The following LRP1 variants were observed in gnomAD, a reference collection of about 807,000 sequenced individuals.
LRP1 encodes LDL receptor related protein 1.
Under a neutral mutation model 541.5 loss-of-function variants are expected in LRP1, and 51 were observed. That is an observed-to-expected ratio of 0.09 (90% confidence interval 0.08 to 0.12). The LOEUF is 0.12. LRP1 is among the 10% of genes least tolerant of loss of function. The pLI is 1.00. For synonymous variants in LRP1, 2,219 were observed against 2,470.8 expected (o/e 0.90, Z 3.02); for missense variants, 3,878 against 6,376.2 (o/e 0.61, Z 13.34).
In LRP1 at chr12:57,163,021, C is replaced by T. The variant is rs553554715; in HGVS notation, c.2530+38C>T. The T allele has an allele frequency of 7.3e-5, 115 of 1,576,656 alleles. 2 individuals are homozygous for T. In the South Asian group the frequency reaches 1.2e-3, roughly 17 times the overall value. ...TGGCTGGGTGGGAGTGGGAAGCAGA[C>T]CCCATCAGGAGGATGCCGAAGAGTG... On this transcript the variant is annotated intron_variant, in intron 15 of 88. Transcript: ENST00000243077.
At chr12:57,136,323 C>T (rs1015140574) in intron 1 of LRP1, among the ~76,000 whole-genome samples, 1 of 152,076 alleles carries the variant, frequency 6.6e-6, no homozygotes, top group African/African-American at 2.4e-5. Context: ...GTGCCGTCTC[C>T]CCTGCCAGCG....
Position 57,190,933 on chromosome 12 carries a change from G to A in LRP1, c.7160G>A (p.Arg2387His), listed in dbSNP as rs371284232. ...CCCAATGGCCTGGCCATCGACCACC[G>A]TGCCGAGAAGCTCTACTTCTCTGAC... The part of the protein sequence containing the change: ...RTPNGLAIDH[R>H]AEKLYFSDAT... Residue 2387 changes from arginine to histidine, a missense_variant, in exon 43 of 89, where the codon CGT becomes CAT. Physicochemically the swap from Arg to His is conservative, Grantham distance 29 (BLOSUM62 0). Around this residue, in one of 13 missense-constraint regions of LRP1, gnomAD observed 1,100 missense variants for 1,827.4 expected, o/e 0.60. Coordinates refer to ENST00000243077, the MANE Select transcript of LRP1 (RefSeq NM_002332.3). 2.5e-5 allele frequency: 41 copies of A among 1,613,244 alleles called. No homozygotes were observed. The highest frequency in any genetic ancestry group is 9.9e-5 in the South Asian group (9 of 91,096).
Position 57,179,356 on chromosome 12 carries a change from G to A in LRP1, c.4766G>A (p.Arg1589His), listed in dbSNP as rs2036114715. 2 of 1,614,134 alleles carry A rather than the reference G, an allele frequency of 1.2e-6. No individual in the cohort carries two copies. The highest frequency in any genetic ancestry group is 1.7e-6 in the Non-Finnish European group (2 of 1,179,960). ...YEFKKFLLYA[R>H]QMEIRGVDLD... is the part of the protein sequence containing the mutation. ...TTTAAGAAGTTCCTGCTGTACGCAC[G>A]TCAGATGGAGATCCGAGGTGTGGAC... The change falls in exon 29 of 89, where the codon CGT becomes CAT. Residue 1589 changes from arginine to histidine, a missense_variant. By Grantham distance (29) the Arg-to-His change is conservative (BLOSUM62 0). Coordinates refer to ENST00000243077, the MANE Select transcript of LRP1 (RefSeq NM_002332.3). This position sits in a 1 kb window ranked among gnomAD's most constrained non-coding sequence, Gnocchi z 6.8.
intron 20 of LRP1, among the ~76,000 whole-genome samples, chr12:57,172,326 C>A (rs971782625): frequency 1.3e-5 from 2 of 152,092 alleles, no homozygotes; most frequent in Non-Finnish European, 2.9e-5. Flanking sequence ...CCTGCCACCA[C>A]GCCTGGCTAA....
Position 57,208,813 on chromosome 12 carries a change from C to T in LRP1, c.12141C>T (p.Pro4047=), listed in dbSNP as rs1378872258. 1 of 1,613,436 alleles carries T rather than the reference C, an allele frequency of 6.2e-7. No individual in the cohort carries two copies. The highest frequency in any genetic ancestry group is 1.1e-5 in the South Asian group (1 of 91,076). ...TGGTGCAGGACAACATTCAGTGGCC[C>T]ACAGGTTTGTGGGGCAGGGTGCAGG... ...ETLVQDNIQW[P]TGLAVDYHNE... The change falls in exon 78 of 89, where the codon CCC becomes CCT. Residue 4047 remains proline, a synonymous_variant. Transcript: ENST00000243077.
In LRP1 at chr12:57,196,179, G is replaced by C. The variant is rs763968301; in HGVS notation, c.8794G>C (p.Asp2932His). 6.2e-7 allele frequency: 1 copy of C among 1,612,744 alleles called. No individual in the cohort carries two copies. Among genetic ancestry groups the C allele is most frequent in the Admixed American group, 1.7e-5 (1 of 60,004 alleles). Reference sequence around the variant, plus strand: ...CTGCAACGGCCAGGATGACTGTGGCGACAGCTCGGACGAGCGTGGCTGCCA... The same window carrying C: ...CTGCAACGGCCAGGATGACTGTGGCCACAGCTCGGACGAGCGTGGCTGCCA... ...LLCNGQDDCG[D>H]SSDERGCHIN... Residue 2932 changes from aspartate to histidine, a missense_variant, in exon 55 of 89, where the codon GAC becomes CAC. Coordinates refer to ENST00000243077, the MANE Select transcript of LRP1 (RefSeq NM_002332.3).
chr12:57,163,110 C>G, intron 15 of LRP1, 127 bp downstream of exon 15: 1 of 1,304,282 alleles, frequency 7.7e-7, no homozygotes, highest in East Asian at 2.6e-5. Context: ...CTTAGGGGGC[C>G]AACAGGAAGC....
chr12:57,163,021 C>A lies in LRP1; in HGVS notation c.2530+38C>A, dbSNP rs553554715. ...TGGCTGGGTGGGAGTGGGAAGCAGA[C>A]CCCATCAGGAGGATGCCGAAGAGTG... On this transcript the variant is annotated intron_variant, in intron 15 of 88. Transcript: ENST00000243077. The A allele has an allele frequency of 8.9e-6, 14 of 1,576,656 alleles. No homozygotes were observed. In the South Asian group the frequency reaches 1.1e-4, roughly 13 times the overall value.
chr12:57,136,934 T>C (rs1002251728), intron 1 of LRP1, among the ~76,000 whole-genome samples: 3 of 152,230 alleles, frequency 2.0e-5, no homozygotes, highest in Non-Finnish European at 4.4e-5. Context: ...TGGCACATAC[T>C]GAGCCCACAA....
At chr12:57,142,847 C>T (rs917969432) in intron 3 of LRP1, among the ~76,000 whole-genome samples, 1 of 152,092 alleles carries the variant, frequency 6.6e-6, no homozygotes, top group East Asian at 1.9e-4. Flanking sequence ...TGGGGCCTGG[C>T]CCCCCATCCC....
rs1230736858 is a variant in LRP1, at chr12:57,210,609, A to G, written c.12755-109A>G. On this transcript the variant is annotated intron_variant, in intron 82 of 88. Coordinates refer to ENST00000243077, the MANE Select transcript of LRP1 (RefSeq NM_002332.3). ...GCCTCCTTTCCACAACCCAGCATCC[A>G]GTCACTCCAGTCTCTGCTTCTCGCC... is the stretch of plus-strand genomic sequence containing the variant. The G allele has an allele frequency of 2.8e-6, 4 of 1,426,050 alleles. 1 individual carries two copies. Among genetic ancestry groups the G allele is most frequent in the Non-Finnish European group, 3.8e-6 (4 of 1,056,020 alleles). The allele number at this position is 1,426,050 out of a possible 1,614,324, so 88.3% of individuals were successfully genotyped here.
intron 76 of LRP1, among the ~76,000 whole-genome samples, chr12:57,207,278 A>T (rs1192561656): frequency 6.5e-5 from 9 of 139,170 alleles, no homozygotes; most frequent in Non-Finnish European, 1.1e-4. Flanking sequence ...AAATAAATAA[A>T]TAAATAGAGA....
At position 57,173,394 on chromosome 12, in the gene LRP1, G is replaced by A; in HGVS notation, c.3346+44G>A. 6.3e-7 allele frequency: 1 copy of A among 1,588,506 alleles called. No individual in the cohort carries two copies. Among genetic ancestry groups the A allele is most frequent in the Non-Finnish European group, 8.6e-7 (1 of 1,162,288 alleles). On this transcript the variant is annotated intron_variant, in intron 21 of 88. Coordinates refer to ENST00000243077, the MANE Select transcript of LRP1 (RefSeq NM_002332.3). The surrounding 1 kb of genome is among the most constrained non-coding windows in gnomAD (Gnocchi z 4.7). The stretch of plus-strand genomic sequence containing the variant: ...GGGCGTCTGGAACAGCACAATGTGG[G>A]CAGGAGGAGACCGTGTTGAGAGCAG...
chr12:57,171,514 A>AG (rs1480136346), intron 20 of LRP1, among the ~76,000 whole-genome samples: 1 of 152,158 alleles, frequency 6.6e-6, no homozygotes, highest in East Asian at 1.9e-4. Flanking sequence ...CTGTCCTCAA[A>AG]GGGGGCAGAT....
At chr12:57,153,007 G>A (rs1469053107) in intron 6 of LRP1, among the ~76,000 whole-genome samples, 1 of 152,206 alleles carries the variant, frequency 6.6e-6, no homozygotes, top group East Asian at 1.9e-4. Flanking sequence ...ACCTGTAGCT[G>A]TGTGGGGGCA....
Position 57,185,517 on chromosome 12 carries a change from CT to C in LRP1, c.6464-13del. The C allele has an allele frequency of 6.4e-7, 1 of 1,573,682 alleles. No individual in the cohort carries two copies. Among genetic ancestry groups the C allele is most frequent in the South Asian group, 1.2e-5 (1 of 86,716 alleles). On this transcript the variant is annotated splice_polypyrimidine_tract_variant and intron_variant, in intron 40 of 88. Coordinates refer to ENST00000243077, the MANE Select transcript of LRP1 (RefSeq NM_002332.3). The surrounding 1 kb of genome is among the most constrained non-coding windows in gnomAD (Gnocchi z 4.9). ...CAAGGCAGGCCCTGCCCTCTGTACCCTCCCCTCCCCCAGGCACCAACGTGTG... is the reference window on the plus strand; with the variant it reads ...CAAGGCAGGCCCTGCCCTCTGTACCCCCCCTCCCCCAGGCACCAACGTGTG...
chr12:57,203,570 C>A, intron 70 of LRP1, 49 bp downstream of exon 70: 1 of 1,457,110 alleles, frequency 6.9e-7, no homozygotes, highest in Non-Finnish European at 9.1e-7. Flanking sequence ...GCTGCCCACC[C>A]CGCCACATGG....
In LRP1 at chr12:57,194,364, C is replaced by T; in HGVS notation, c.7929C>T (p.Asp2643=). The T allele has an allele frequency of 6.6e-7, 1 of 1,511,506 alleles. No homozygotes were observed. The highest frequency in any genetic ancestry group is 8.8e-7 in the Non-Finnish European group (1 of 1,131,142). 93.6% of individuals were successfully genotyped at this position (1,511,506 alleles called of 1,614,324 possible). ...CCCTGCCCCCACCAGGTGCCACCGA[C>T]TGCAGCAGCTACTTCCGCCTGGGCG... ...ASDEMNCSAT[D]CSSYFRLGVK... The change falls in exon 49 of 89, where the codon GAC becomes GAT. Residue 2643 remains aspartate (D), a synonymous_variant. Coordinates refer to ENST00000243077, the MANE Select transcript of LRP1 (RefSeq NM_002332.3).
In LRP1 at chr12:57,197,776, G is replaced by A; in HGVS notation, c.9282+112G>A. On this transcript the variant is annotated intron_variant, in intron 58 of 88. Coordinates refer to ENST00000243077, the MANE Select transcript of LRP1 (RefSeq NM_002332.3). This position sits in a 1 kb window ranked among gnomAD's most constrained non-coding sequence, Gnocchi z 4.5. ...AAATTGCTTCCTTCTCACTCCACTA[G>A]TCACTATATGACTGCTTGTTCTAGC... is the stretch of plus-strand genomic sequence containing the variant. 1 of 1,244,762 alleles carries A rather than the reference G, an allele frequency of 8.0e-7. No individual in the cohort carries two copies. Among genetic ancestry groups the A allele is most frequent in the Non-Finnish European group, 1.1e-6 (1 of 890,482 alleles). 77.1% of individuals were successfully genotyped at this position (1,244,762 alleles called of 1,614,324 possible).
Sources: allele counts gnomAD v4.1 joint callset (sites outside exome capture counted in the v4.1 genomes callset), GRCh38; gene constraint gnomAD v4.1.1; regional missense constraint gnomAD v4.1.1; non-coding constraint Gnocchi (gnomAD v3.1); transcripts MANE v1.5; gene names NCBI Gene and HGNC (gene_info 2026-07-23, HGNC 2026-07-21).